Variants in THSD7B observed in about 807,000 individuals in gnomAD.
The protein encoded by THSD7B is thrombospondin type-1 domain-containing protein 7B.
In THSD7B, 138 loss-of-function variants were observed where a neutral mutation model predicts 213.6. That is an observed-to-expected ratio of 0.65 (90% CI 0.56 to 0.74). THSD7B has a LOEUF of 0.74. Among genes scored for constraint, THSD7B ranks in the 30% least tolerant of loss-of-function variants. THSD7B has a pLI of 0.00. For synonymous variants in THSD7B, 742 were observed against 687.0 expected, an observed-to-expected ratio of 1.08 and a Z score of -1.25; for missense variants, 1,931 against 1,991.5, an observed-to-expected ratio of 0.97 and a Z score of 0.58.
chr2:137,133,377 T>G (rs1048373615), intron 5 of THSD7B, among the ~76,000 whole-genome samples: 1 of 152,202 alleles, frequency 6.6e-6, no homozygotes, highest in African/African-American at 2.4e-5. Flanking sequence ...TAAACTTCTT[T>G]ATTCAATAAA....
At chr2:137,414,196 T>C (rs1478315728) in intron 14 of THSD7B, among the ~76,000 whole-genome samples, 1 of 152,180 alleles carries the variant, frequency 6.6e-6, no homozygotes, top group Non-Finnish European at 1.5e-5. Context: ...ATGAAAATCA[T>C]GCTTTAATCA....
intron 2 of THSD7B, among the ~76,000 whole-genome samples, chr2:136,965,745 G>T (rs545784): frequency 0.88 from 133,227 of 152,108 alleles, 58,407 homozygotes; most frequent in Admixed American, 0.9. Flanking sequence ...TATTTCTTTA[G>T]TTTTAATAGT....
At chr2:137,415,772 C>T (rs1476680611) in intron 14 of THSD7B, among the ~76,000 whole-genome samples, 1 of 141,616 alleles carries the variant, frequency 7.1e-6, no homozygotes, top group East Asian at 2.3e-4. Context: ...TCTCTCCTTT[C>T]ATTCAGGTCT....
At chr2:137,410,806 CA>C (rs1042165831) in intron 13 of THSD7B, among the ~76,000 whole-genome samples, 3 of 152,214 alleles carry the variant, frequency 2.0e-5, no homozygotes, top group African/African-American at 7.2e-5. Flanking sequence ...AATGAGAAAA[CA>C]AAAGGTGGAA....
intron 5 of THSD7B, among the ~76,000 whole-genome samples, chr2:137,120,091 C>T (rs913564760): frequency 1.3e-5 from 2 of 152,120 alleles, no homozygotes; most frequent in East Asian, 1.9e-4. Flanking sequence ...AGCATTTTCT[C>T]TTGCTTTATG....
chr2:137,471,979 A>G (rs1025146192), intron 15 of THSD7B, among the ~76,000 whole-genome samples: 1 of 152,172 alleles, frequency 6.6e-6, no homozygotes, highest in Non-Finnish European at 1.5e-5. Context: ...GTGAAAAATA[A>G]TGTGGTGGGT....
At chr2:137,299,905 A>G (rs530034073) in intron 12 of THSD7B, among the ~76,000 whole-genome samples, 65 of 152,284 alleles carry the variant, frequency 4.3e-4, no homozygotes, top group Non-Finnish European at 1.5e-4. Context: ...CTTTTAAACC[A>G]TAAAACATGA....
intron 17 of THSD7B, 117 bp from the exon 18 acceptor site, chr2:137,616,058 C>T: frequency 1.9e-6 from 2 of 1,026,360 alleles, no homozygotes; most frequent in Non-Finnish European, 2.7e-6. Flanking sequence ...TATGTTTAAC[C>T]CTCTAGATAA....
chr2:137,034,136 T>C (rs951034436), intron 2 of THSD7B, among the ~76,000 whole-genome samples: 9 of 152,172 alleles, frequency 5.9e-5, no homozygotes, highest in African/African-American at 2.2e-4. Context: ...ACTCATCCTT[T>C]TTTATGGCTG....
intron 12 of THSD7B, among the ~76,000 whole-genome samples, chr2:137,322,664 A>G (rs966034624): frequency 6.6e-6 from 1 of 152,194 alleles, no homozygotes; most frequent in African/African-American, 2.4e-5. Flanking sequence ...CAGATCTTTA[A>G]AGCTAACACA....
chr2:136,962,182 A>T (rs1246322272), intron 2 of THSD7B, among the ~76,000 whole-genome samples: 2 of 152,174 alleles, frequency 1.3e-5, no homozygotes, highest in Non-Finnish European at 2.9e-5. Context: ...GGAAGGCAAG[A>T]GACCTCTACA....
chr2:137,625,788 A>G (rs569788126), intron 20 of THSD7B, among the ~76,000 whole-genome samples: 1 of 152,244 alleles, frequency 6.6e-6, no homozygotes, highest in African/African-American at 2.4e-5. Context: ...GCTTCCAGGG[A>G]TCTACTAGGC....
intron 2 of THSD7B, among the ~76,000 whole-genome samples, chr2:136,969,524 C>A (rs78721198): frequency 6.6e-6 from 1 of 152,138 alleles, no homozygotes; most frequent in Admixed American, 6.5e-5. Context: ...TTTTGAATGA[C>A]TTCATTAATC....
At chr2:137,558,679 C>G (rs950079214) in intron 15 of THSD7B, among the ~76,000 whole-genome samples, 16 of 152,192 alleles carry the variant, frequency 1.1e-4, no homozygotes, top group African/African-American at 3.4e-4. Context: ...TCTTGCACCA[C>G]TCCTATTCAA....
At chr2:137,089,214 G>A (rs1248268873) in intron 3 of THSD7B, among the ~76,000 whole-genome samples, 5 of 151,080 alleles carry the variant, frequency 3.3e-5, no homozygotes, top group Non-Finnish European at 7.4e-5. Flanking sequence ...CAACCCAAAT[G>A]CCCATCCATC....
intron 5 of THSD7B, among the ~76,000 whole-genome samples, chr2:137,150,851 T>C (rs138986861): frequency 6.6e-6 from 1 of 152,340 alleles, no homozygotes; most frequent in Non-Finnish European, 1.5e-5. Flanking sequence ...GTAATGCATG[T>C]TACTGTGCTG....
At chr2:136,919,840 C>T (rs764858550) in intron 2 of THSD7B, among the ~76,000 whole-genome samples, 17 of 152,176 alleles carry the variant, frequency 1.1e-4, no homozygotes, top group Admixed American at 6.5e-4. Flanking sequence ...CTGGGCATGC[C>T]GGCTGTGGCA....
chr2:137,556,513 G>A (rs1360832982), intron 15 of THSD7B, among the ~76,000 whole-genome samples: 3 of 152,100 alleles, frequency 2.0e-5, no homozygotes, highest in East Asian at 3.9e-4. Flanking sequence ...GTCACCACCA[G>A]GCCTGCCCTA....
rs776077562 is a variant in THSD7B at position 137,229,247 on chromosome 2, A to G, written c.1724-1797A>G. Among the ~76,000 whole-genome samples, 3 of 152,198 alleles carry G rather than the reference A, an allele frequency of 2.0e-5. 1 individual carries two copies. The highest frequency in any genetic ancestry group is 4.4e-5 in the Non-Finnish European group (3 of 68,036). On this transcript the variant is annotated intron_variant, in intron 7 of 27. Coordinates refer to ENST00000409968, the MANE Select transcript of THSD7B (RefSeq NM_001316349.2). ...CTTTAAAGTATTTTGTGCACAGATT[A>G]TGTTAATAATATTCACAAGTGTGGA...
Sources: gnomAD v4.1 joint callset for allele counts (sites outside exome capture counted in the v4.1 genomes callset) on GRCh38, gnomAD v4.1.1 for gene constraint, MANE v1.5 for transcripts, NCBI Gene and HGNC (gene_info 2026-07-23, HGNC 2026-07-21) for gene names.